The following MPDZ variants were observed in gnomAD, a reference collection of about 807,000 sequenced individuals.
MPDZ encodes the protein multiple PDZ domain crumbs cell polarity complex component, also known as multiple PDZ domain protein.
A neutral mutation model predicts 239.1 loss-of-function variants in MPDZ; 234 were observed. The ratio of observed to expected loss-of-function variants is 0.98; its 90% CI spans 0.88 to 1.09. The LOEUF (loss-of-function observed/expected upper bound fraction) is 1.09, where lower values mean the gene tolerates loss of function less well. Ranked by LOEUF, MPDZ falls within the 50% of genes least tolerant of loss-of-function variation. The probability of loss-of-function intolerance (pLI) is 0.00; values close to 1 mark genes in which losing one functional copy is unlikely to be tolerated. For synonymous variants in MPDZ, 1,048 were observed against 881.3 expected (o/e 1.19, Z -3.35); for missense variants, 3,175 against 2,510.0 (o/e 1.26, Z -5.66).
intron 1 of MPDZ, among the ~76,000 whole-genome samples, chr9:13,273,900 G>T (rs182916329): frequency 1.9e-3 from 290 of 152,254 alleles, no homozygotes; most frequent in Non-Finnish European, 2.0e-3. Flanking sequence ...TGAGACATCA[G>T]TTCAAACAAA....
chr9:13,224,338 G>A (rs1332958862), intron 4 of MPDZ, 36 bp downstream of exon 4: 1 of 1,488,386 alleles, frequency 6.7e-7, no homozygotes, highest in African/African-American at 1.4e-5. Context: ...AATTACTACA[G>A]GTATTACAAT....
At chr9:13,237,669 C>A (rs1964416408) in intron 3 of MPDZ, among the ~76,000 whole-genome samples, 1 of 151,732 alleles carries the variant, frequency 6.6e-6, no homozygotes, top group African/African-American at 2.4e-5. Context: ...ACAAAGTAAG[C>A]CTGTCACTTC....
chr9:13,133,117 G>A (rs1036535284), intron 32 of MPDZ, among the ~76,000 whole-genome samples: 3 of 152,030 alleles, frequency 2.0e-5, no homozygotes, highest in African/African-American at 7.2e-5. Flanking sequence ...ACAAATTATA[G>A]GGAAATGACT....
chr9:13,136,205 C>G, intron 30 of MPDZ, 23 bp from the exon 31 acceptor site: 2 of 1,482,792 alleles, frequency 1.3e-6, no homozygotes, highest in East Asian at 2.3e-5. Flanking sequence ...AAACAACAAC[C>G]TATTATAACA....
At chr9:13,149,015 T>C (rs1948800387) in intron 25 of MPDZ, among the ~76,000 whole-genome samples, 1 of 151,918 alleles carries the variant, frequency 6.6e-6, no homozygotes. Flanking sequence ...GCTATTTAGG[T>C]CAAAGGTATT....
At chr9:13,219,840 G>A (rs574855271) in intron 7 of MPDZ, 72 bp from the exon 8 acceptor site, 202 of 1,441,328 alleles carry the variant, frequency 1.4e-4, no homozygotes, top group Middle Eastern at 7.0e-4. Flanking sequence ...AAATGAGAAG[G>A]GATTAATTTT....
At chr9:13,127,598 C>T in intron 32 of MPDZ, among the ~76,000 whole-genome samples, 1 of 152,186 alleles carries the variant, frequency 6.6e-6, no homozygotes, top group East Asian at 1.9e-4. Flanking sequence ...CTGAAATATA[C>T]ACACAAGTTA....
At chr9:13,186,219 T>A (rs1268069716) in intron 18 of MPDZ, 51 bp downstream of exon 18, 7 of 1,011,808 alleles carry the variant, frequency 6.9e-6, no homozygotes, top group South Asian at 2.2e-5. Flanking sequence ...AAAGGCAAAG[T>A]AAGACATATC....
chr9:13,220,906 T>G (rs1309377782), intron 7 of MPDZ, among the ~76,000 whole-genome samples: 1 of 151,962 alleles, frequency 6.6e-6, no homozygotes, highest in Non-Finnish European at 1.5e-5. Context: ...ACTACTCAAG[T>G]GATAAAAAAC....
chr9:13,138,817 T>A (rs1329954298), intron 28 of MPDZ, among the ~76,000 whole-genome samples: 1 of 152,198 alleles, frequency 6.6e-6, no homozygotes, highest in East Asian at 1.9e-4. Context: ...CAGCCACAGA[T>A]GAGCGACCAG....
chr9:13,183,336 C>A, intron 19 of MPDZ, 82 bp downstream of exon 19: 2 of 1,118,922 alleles, frequency 1.8e-6, no homozygotes, highest in Non-Finnish European at 2.5e-6. Flanking sequence ...ATGTTATTCC[C>A]ACAACTCCCC....
In MPDZ at chr9:13,107,886, T is replaced by C. The variant is rs186288311; in HGVS notation, c.6067-775A>G. Among the ~76,000 whole-genome samples, 4 of 152,322 alleles carry C rather than the reference T, an allele frequency of 2.6e-5. No homozygotes were observed. The East Asian group carries it at 7.7e-4, about 29-fold the overall frequency. On this transcript the variant is annotated intron_variant, in intron 46 of 46. Coordinates refer to ENST00000319217, the MANE Select transcript of MPDZ (RefSeq NM_001378778.1). ...TGAAATTCTTAAAATATGTTCTAAC[T>C]AGCATGCCTTAAATAAATTGTTCCT...
chr9:13,223,850 A>G (rs2136363316), intron 4 of MPDZ, 140 bp from the exon 5 acceptor site: 1 of 778,240 alleles, frequency 1.3e-6, no homozygotes, highest in Non-Finnish European at 1.9e-6. Context: ...TGGGCTACAT[A>G]ATGTGACCCC....
chr9:13,145,643 A>G (rs934917537), intron 26 of MPDZ, among the ~76,000 whole-genome samples: 1 of 152,056 alleles, frequency 6.6e-6, no homozygotes, highest in Non-Finnish European at 1.5e-5. Context: ...AATTAACTTT[A>G]ATTTTCTAAA....
intron 12 of MPDZ, among the ~76,000 whole-genome samples, chr9:13,198,107 T>C (rs547441825): frequency 1.3e-5 from 2 of 152,294 alleles, no homozygotes; most frequent in Admixed American, 6.5e-5. Flanking sequence ...TTTGGATATA[T>C]ACCCAAGAGT....
At chr9:13,167,521 G>T (rs985899622) in intron 22 of MPDZ, among the ~76,000 whole-genome samples, 2 of 152,092 alleles carry the variant, frequency 1.3e-5, no homozygotes, top group African/African-American at 2.4e-5. Flanking sequence ...TAGTAATAGA[G>T]AATGTAGTCA....
intron 1 of MPDZ, among the ~76,000 whole-genome samples, chr9:13,255,531 G>C (rs1969228099): frequency 6.6e-6 from 1 of 152,194 alleles, no homozygotes; most frequent in South Asian, 2.1e-4. Context: ...AGACTTGAAA[G>C]TCAAAATTAC....
At chr9:13,260,831 T>A (rs76877516) in intron 1 of MPDZ, among the ~76,000 whole-genome samples, 4 of 152,188 alleles carry the variant, frequency 2.6e-5, no homozygotes, top group African/African-American at 9.6e-5. Flanking sequence ...CAACCTCCAA[T>A]ACCATGAAAA....
chr9:13,122,286 G>A (rs1944465261), intron 36 of MPDZ, 116 bp from the exon 37 acceptor site: 1 of 894,846 alleles, frequency 1.1e-6, no homozygotes, highest in Admixed American at 2.3e-5. Context: ...TATAAACTCT[G>A]GCTCTACAGT....
Sources: gnomAD v4.1 joint callset for allele counts (sites outside exome capture counted in the v4.1 genomes callset) on GRCh38, gnomAD v4.1.1 for gene constraint, MANE v1.5 for transcripts, NCBI Gene and HGNC (gene_info 2026-07-23, HGNC 2026-07-21) for gene names.